Variants in ERI3 observed in about 807,000 individuals in gnomAD.
ERI3 encodes the protein ERI1 exoribonuclease 3.
ERI3 carries 18 observed loss-of-function variants against 44.4 expected under a neutral mutation model. The ratio of observed to expected loss-of-function variants is 0.41; its 90% CI spans 0.28 to 0.60. ERI3 has a LOEUF of 0.60. Ranked by LOEUF, ERI3 falls within the 20% of genes least tolerant of loss-of-function variation. ERI3 has a pLI of 0.36. For synonymous variants in ERI3, 183 were observed against 164.8 expected (o/e 1.11, Z -0.84); for missense variants, 294 against 435.5 (o/e 0.68, Z 2.89).
At chr1:44,278,932 A>C (rs974708988) in intron 7 of ERI3, among the ~76,000 whole-genome samples, 2 of 152,238 alleles carry the variant, frequency 1.3e-5, no homozygotes, top group African/African-American at 4.8e-5. Flanking sequence ...ATTGATTAAA[A>C]TTAAATAAAA....
intron 2 of ERI3, among the ~76,000 whole-genome samples, chr1:44,340,034 TCGA>T (rs148156195): frequency 0.018 from 2,735 of 151,858 alleles, 30 homozygotes; most frequent in African/African-American, 0.026. Context: ...CGGTCTCTAC[TCGA>T]GGCCCTGAAT....
intron 7 of ERI3, among the ~76,000 whole-genome samples, chr1:44,278,326 A>T (rs1335651778): frequency 6.6e-6 from 1 of 152,088 alleles, no homozygotes; most frequent in Non-Finnish European, 1.5e-5. Flanking sequence ...AAAATACAAA[A>T]ATTAGCTTGG....
At chr1:44,352,465 A>ATAGATAG (rs1646915086) in intron 2 of ERI3, among the ~76,000 whole-genome samples, 1 of 149,424 alleles carries the variant, frequency 6.7e-6, no homozygotes, top group African/African-American at 2.5e-5. Context: ...TAGATAGATA[A>ATAGATAG]ATGTTTAAAG....
intron 3 of ERI3, among the ~76,000 whole-genome samples, chr1:44,333,049 G>A (rs191839892): frequency 2.0e-5 from 3 of 152,302 alleles, no homozygotes; most frequent in South Asian, 2.1e-4. Flanking sequence ...CAGGAGTCGG[G>A]AGCCTGTACA....
intron 7 of ERI3, 133 bp from the exon 8 acceptor site, chr1:44,248,171 C>T: frequency 1.7e-6 from 1 of 590,286 alleles, no homozygotes; most frequent in East Asian, 3.2e-5. Context: ...GTGAGAGTCC[C>T]TTCTCCACCC....
chr1:44,346,509 T>C (rs1263227572), intron 2 of ERI3, among the ~76,000 whole-genome samples: 3 of 152,186 alleles, frequency 2.0e-5, no homozygotes, highest in African/African-American at 7.2e-5. Context: ...AGTTGCAACC[T>C]CATCACACAC....
intron 7 of ERI3, among the ~76,000 whole-genome samples, chr1:44,259,689 G>GAC (rs58901342): frequency 0.2 from 27,467 of 140,186 alleles, 3,202 homozygotes; most frequent in Non-Finnish European, 0.27. Flanking sequence ...AAAACACACA[G>GAC]ACACACACAC....
At chr1:44,301,138 A>G (rs1264979943) in intron 6 of ERI3, among the ~76,000 whole-genome samples, 2 of 152,148 alleles carry the variant, frequency 1.3e-5, no homozygotes, top group Admixed American at 1.3e-4. Context: ...TGACCCCATC[A>G]ACTCACGCTG....
At chr1:44,253,039 C>A (rs1186641933) in intron 7 of ERI3, among the ~76,000 whole-genome samples, 1 of 152,198 alleles carries the variant, frequency 6.6e-6, no homozygotes, top group Non-Finnish European at 1.5e-5. Context: ...AACTGCCATT[C>A]CCCTAACCCC....
At chr1:44,223,783 C>A (rs1011227493) in intron 8 of ERI3, among the ~76,000 whole-genome samples, 1 of 152,154 alleles carries the variant, frequency 6.6e-6, no homozygotes, top group African/African-American at 2.4e-5. Context: ...GGAGAGGGTC[C>A]CCACGTCCCA....
chr1:44,349,038 C>T (rs1479215313), intron 2 of ERI3, among the ~76,000 whole-genome samples: 1 of 152,216 alleles, frequency 6.6e-6, no homozygotes, highest in East Asian at 1.9e-4. Context: ...CCCAGACAGA[C>T]AGGGAGGAAT....
At chr1:44,308,838 T>C (rs369187290) in intron 5 of ERI3, among the ~76,000 whole-genome samples, 3 of 152,336 alleles carry the variant, frequency 2.0e-5, no homozygotes, top group African/African-American at 7.2e-5. Context: ...GTTTTACTCT[T>C]CTACCAAATG....
intron 6 of ERI3, among the ~76,000 whole-genome samples, chr1:44,306,649 C>G (rs1336988261): frequency 1.3e-5 from 2 of 152,224 alleles, no homozygotes; most frequent in Non-Finnish European, 2.9e-5. Flanking sequence ...CTTATAGTCT[C>G]CAACCTCATG....
rs553647584 is a variant in ERI3 at position 44,238,278 on chromosome 1, G to A, written c.931+9661C>T. Among the ~76,000 whole-genome samples the A allele has an allele frequency of 2.6e-5, 4 of 152,142 alleles. No individual in the cohort carries two copies. In the South Asian group the frequency reaches 8.3e-4, roughly 32 times the overall value. On this transcript the variant is annotated intron_variant, in intron 8 of 8. Transcript: ENST00000372257. ...TGTGCAGGCAATGAGGATGTTGTGG[G>A]GGAGACAGGGAGAGACCAATGAGGC...
chr1:44,242,070 C>G (rs901771048), intron 8 of ERI3: 1 of 985,406 alleles, frequency 1.0e-6, no homozygotes, highest in African/African-American at 1.7e-5. Context: ...CCAGGCAGGC[C>G]AGTGCAGACC....
rs537636339 is a variant in ERI3, at chr1:44,306,362, A to C, written c.758+1948T>G. Among the ~76,000 whole-genome samples, 9 of 152,336 alleles carry C rather than the reference A, an allele frequency of 5.9e-5. No individual in the cohort carries two copies. In the East Asian group the frequency reaches 1.3e-3, roughly 23 times the overall value. On this transcript the variant is annotated intron_variant, in intron 6 of 8. Transcript: ENST00000372257. Reference sequence around the variant, plus strand: ...GGGTTTTTGGTTTGTTTCATCTATAAAAGAAAGACAATACCACCACCCACC... The same window carrying C: ...GGGTTTTTGGTTTGTTTCATCTATACAAGAAAGACAATACCACCACCCACC...
intron 5 of ERI3, among the ~76,000 whole-genome samples, chr1:44,310,415 A>G (rs570260934): frequency 6.6e-6 from 1 of 152,306 alleles, no homozygotes; most frequent in East Asian, 1.9e-4. Flanking sequence ...ACTCTGTCTT[A>G]CTCACTGCCT....
intron 5 of ERI3, among the ~76,000 whole-genome samples, chr1:44,310,956 C>CG (rs1557840832): frequency 1.4e-5 from 1 of 74,028 alleles, no homozygotes; most frequent in Non-Finnish European, 2.7e-5. Flanking sequence ...GCACATCGCG[C>CG]GCGCGCGCAC....
chr1:44,225,558 G>T (rs1353043028), intron 8 of ERI3, among the ~76,000 whole-genome samples: 1 of 152,160 alleles, frequency 6.6e-6, no homozygotes, highest in Non-Finnish European at 1.5e-5. Context: ...ATAATGTGAG[G>T]AGTGCAGCTG....
Sources: gnomAD v4.1 joint callset for allele counts (sites outside exome capture counted in the v4.1 genomes callset) on GRCh38, gnomAD v4.1.1 for gene constraint, MANE v1.5 for transcripts, NCBI Gene and HGNC (gene_info 2026-07-23, HGNC 2026-07-21) for gene names.